Variants in SLC22A23 observed in about 807,000 individuals in gnomAD.
SLC22A23 encodes solute carrier family 22 member 23, also known as ion transporter protein.
Under a neutral mutation model 61.0 loss-of-function variants are expected in SLC22A23, and 26 were observed. The observed-to-expected ratio is 0.43, with a 90% CI of 0.31 to 0.59. SLC22A23 has a LOEUF of 0.59. SLC22A23 is among the 20% of genes least tolerant of loss of function. The pLI is 0.11. For synonymous variants in SLC22A23, 430 were observed against 413.9 expected, an observed-to-expected ratio of 1.04 and a Z score of -0.47; for missense variants, 796 against 934.7, an observed-to-expected ratio of 0.85 and a Z score of 1.94.
In SLC22A23 at chr6:3,374,846, A is replaced by G. The variant is rs111475408; in HGVS notation, c.913+35342T>C. Among the ~76,000 whole-genome samples, 1,385 of 152,326 alleles carry G rather than the reference A, an allele frequency of 9.1e-3. 23 individuals carry two copies. The highest frequency in any genetic ancestry group is 0.031 in the African/African-American group (1,299 of 41,572). Reference sequence around the variant, plus strand: ...TAGATCTGTCCAAGTAAGACCTCAGAGAACCATCTCTGACATTCTTTCCCA... The same window carrying G: ...TAGATCTGTCCAAGTAAGACCTCAGGGAACCATCTCTGACATTCTTTCCCA... On this transcript the variant is annotated intron_variant, in intron 3 of 9. Transcript: ENST00000406686.
intron 3 of SLC22A23, among the ~76,000 whole-genome samples, chr6:3,403,845 C>T (rs145804305): frequency 5.9e-5 from 9 of 152,308 alleles, no homozygotes; most frequent in Non-Finnish European, 1.0e-4. Flanking sequence ...TCCCAGGAAG[C>T]GATCGCACAG....
At chr6:3,275,731 T>C (rs1366262763) in intron 9 of SLC22A23, among the ~76,000 whole-genome samples, 5 of 152,180 alleles carry the variant, frequency 3.3e-5, no homozygotes, top group Non-Finnish European at 7.4e-5. Context: ...TATAGGCGCG[T>C]GCCACCATGC....
At position 3,456,520 on chromosome 6, in the gene SLC22A23, G is replaced by A. The variant is rs972769483; in HGVS notation, c.40C>T (p.Pro14Ser). Residue 14 changes from proline (P) to serine (S), a missense_variant, in exon 1 of 10, where the codon CCT (proline) becomes TCT (serine). Coordinates refer to ENST00000406686, the MANE Select transcript of SLC22A23 (RefSeq NM_015482.2). This position sits in a 1 kb window ranked among gnomAD's most constrained non-coding sequence, Gnocchi z 7.1. The part of the protein sequence containing the change: ...DRRREAAGGG[P>S]GRQPAPAEEN... ...TCGGCCGGGGCCGGCTGCCGCCCAG[G>A]CCCGCCGCCCGCCGCCTCGCGCCGC... The A allele has an allele frequency of 2.8e-5, 28 of 990,248 alleles. No individual in the cohort carries two copies. In the African/African-American group the frequency reaches 4.9e-4, roughly 17 times the overall value. 61.3% of individuals were successfully genotyped at this position (990,248 alleles called of 1,614,324 possible). A position where few individuals can be genotyped will look rare whatever the true frequency, so the allele number is the denominator to read the frequency against.
At chr6:3,296,026 G>A (rs1235017841) in intron 5 of SLC22A23, among the ~76,000 whole-genome samples, 2 of 152,236 alleles carry the variant, frequency 1.3e-5, no homozygotes, top group African/African-American at 4.8e-5. Flanking sequence ...AAATGAATCA[G>A]TGTAATTAGG....
chr6:3,369,154 G>A (rs1462252029), intron 3 of SLC22A23, among the ~76,000 whole-genome samples: 1 of 151,700 alleles, frequency 6.6e-6, no homozygotes, highest in East Asian at 1.9e-4. Flanking sequence ...TTCGTCTAAA[G>A]ATGTGGTGAC....
chr6:3,390,574 T>A lies in SLC22A23; in HGVS notation c.913+19614A>T, dbSNP rs1370718384. ...CTAGAGTTCTGAGGTACACTTCGGG[T>A]TCACTTGCAGGTTTAAATGTTACCT... is the stretch of plus-strand genomic sequence containing the variant. On this transcript the variant is annotated intron_variant, in intron 3 of 9. Coordinates refer to ENST00000406686, the MANE Select transcript of SLC22A23 (RefSeq NM_015482.2). The surrounding 1 kb of genome is among the most constrained non-coding windows in gnomAD (Gnocchi z 4.0). Among the ~76,000 whole-genome samples, 1 of 152,152 alleles carries A rather than the reference T, an allele frequency of 6.6e-6. No individual in the cohort carries two copies. The highest frequency in any genetic ancestry group is 1.9e-4 in the East Asian group (1 of 5,192).
rs1328261341 is a variant in SLC22A23 at position 3,456,137 on chromosome 6, G to T, written c.423C>A (p.Thr141=). ...AGKGTELAGV[T]TTGRGGDMGN... is the part of the protein sequence containing the mutation. ...CCATGTCCCCGCCCCGGCCTGTGGT[G>T]GTGACCCCTGCCAGCTCGGTGCCTT... Residue 141 remains threonine, a synonymous_variant, in exon 1 of 10, where the codon ACC becomes ACA. Coordinates refer to ENST00000406686, the MANE Select transcript of SLC22A23 (RefSeq NM_015482.2). This position sits in a 1 kb window ranked among gnomAD's most constrained non-coding sequence, Gnocchi z 7.1. The T allele has an allele frequency of 3.9e-6, 6 of 1,551,190 alleles. No homozygotes were observed. The highest frequency in any genetic ancestry group is 5.2e-6 in the Non-Finnish European group (6 of 1,146,852).
intron 3 of SLC22A23, among the ~76,000 whole-genome samples, chr6:3,379,792 GC>G (rs1271852275): frequency 6.8e-6 from 1 of 147,288 alleles, no homozygotes; most frequent in African/African-American, 2.7e-5. Context: ...GGCTCAGATT[GC>G]CTGATGACTA....
rs1024254141 is a variant in SLC22A23 at position 3,326,436 on chromosome 6, T to C, written c.914-2434A>G. Among the ~76,000 whole-genome samples the C allele has an allele frequency of 9.9e-5, 15 of 152,126 alleles. No individual in the cohort carries two copies. The East Asian group carries it at 1.5e-3, about 16-fold the overall frequency. ...ACCTAGAGAATCAGCATCTGCATCT[T>C]AATGAGCTCCCCAGACAACTCCTTG... On this transcript the variant is annotated intron_variant, in intron 3 of 9. Coordinates refer to ENST00000406686, the MANE Select transcript of SLC22A23 (RefSeq NM_015482.2).
chr6:3,445,358 C>T (rs991079751), intron 1 of SLC22A23, among the ~76,000 whole-genome samples: 2 of 152,146 alleles, frequency 1.3e-5, no homozygotes, highest in African/African-American at 4.8e-5. Context: ...ACCACCATAC[C>T]CAGCTAATTT....
intron 4 of SLC22A23, among the ~76,000 whole-genome samples, chr6:3,314,423 C>T (rs1302736065): frequency 2.0e-5 from 3 of 152,176 alleles, no homozygotes; most frequent in African/African-American, 4.8e-5. Flanking sequence ...AGCCATGGGG[C>T]GTCAGCAACA....
rs192178047 is a variant in SLC22A23, at chr6:3,329,611, G to A, written c.914-5609C>T. 7.2e-4 allele frequency among the ~76,000 whole-genome samples: 110 copies of A among 152,306 alleles called. 2 individuals are homozygous for A. In the South Asian group the frequency reaches 0.021, roughly 29 times the overall value. On this transcript the variant is annotated intron_variant, in intron 3 of 9. Coordinates refer to ENST00000406686, the MANE Select transcript of SLC22A23 (RefSeq NM_015482.2). The surrounding 1 kb of genome is among the most constrained non-coding windows in gnomAD (Gnocchi z 4.8). The stretch of plus-strand genomic sequence containing the variant: ...GATTCCTCCCCGGCCTCTGCTGGGC[G>A]GTGTGAAGTTACTCAGCCGCTCTGA...
chr6:3,392,017 G>A (rs1767699212), intron 3 of SLC22A23, among the ~76,000 whole-genome samples: 1 of 151,956 alleles, frequency 6.6e-6, no homozygotes, highest in African/African-American at 2.4e-5. Flanking sequence ...CATTTGGAAT[G>A]CACGATGGAA....
intron 3 of SLC22A23, among the ~76,000 whole-genome samples, chr6:3,383,793 G>A (rs1350539584): frequency 4.6e-5 from 7 of 152,238 alleles, no homozygotes; most frequent in East Asian, 3.8e-4. Context: ...GGGGGCGGGC[G>A]ACGGGGCTGA....
At chr6:3,306,512 G>A (rs956017835) in intron 4 of SLC22A23, among the ~76,000 whole-genome samples, 2 of 152,192 alleles carry the variant, frequency 1.3e-5, no homozygotes, top group African/African-American at 2.4e-5. Context: ...GGCAAAGAAC[G>A]TTCAAATACA....
chr6:3,283,697 G>T, intron 9 of SLC22A23, 155 bp downstream of exon 9: 3 of 1,380,046 alleles, frequency 2.2e-6, no homozygotes, highest in Non-Finnish European at 2.9e-6. Context: ...CTCGGGGTTG[G>T]GTCCAACAGC....
intron 4 of SLC22A23, among the ~76,000 whole-genome samples, chr6:3,321,769 G>A (rs965971298): frequency 2.0e-5 from 3 of 152,048 alleles, no homozygotes; most frequent in South Asian, 2.1e-4. Context: ...AGTATGGGTC[G>A]CCAAGAGGCT....
intron 4 of SLC22A23, among the ~76,000 whole-genome samples, chr6:3,314,730 TA>T (rs1220749548): frequency 2.0e-5 from 3 of 151,936 alleles, no homozygotes; most frequent in African/African-American, 4.8e-5. Context: ...TTCTTGAAAT[TA>T]AAAAAAATAA....
chr6:3,308,292 C>T lies in SLC22A23; in HGVS notation c.1083-10074G>A, dbSNP rs116614244. Reference sequence around the variant, plus strand: ...CCCCTGCACTCACCCTCCCGTCCTCCAGGGCTAAGCCCTCCCTGGGTGGGC... The same window carrying T: ...CCCCTGCACTCACCCTCCCGTCCTCTAGGGCTAAGCCCTCCCTGGGTGGGC... On this transcript the variant is annotated intron_variant, in intron 4 of 9. Transcript: ENST00000406686. This position sits in a 1 kb window ranked among gnomAD's most constrained non-coding sequence, Gnocchi z 5.1. 2.9e-3 allele frequency among the ~76,000 whole-genome samples: 436 copies of T among 152,338 alleles called. No homozygotes were observed. The highest frequency in any genetic ancestry group is 5.2e-3 in the Non-Finnish European group (353 of 68,028).
Sources: gnomAD v4.1 joint callset for allele counts (sites outside exome capture counted in the v4.1 genomes callset) on GRCh38, gnomAD v4.1.1 for gene constraint, Gnocchi (gnomAD v3.1) non-coding constraint, MANE v1.5 for transcripts, NCBI Gene and HGNC (gene_info 2026-07-23, HGNC 2026-07-21) for gene names.